Variants in SCFD2 observed in about 807,000 individuals in gnomAD.
SCFD2 encodes sec1 family domain containing 2.
Under a neutral mutation model 58.9 loss-of-function variants are expected in SCFD2, and 54 were observed. The observed-to-expected ratio is 0.92, with a 90% CI of 0.74 to 1.15. The LOEUF (loss-of-function observed/expected upper bound fraction) is 1.15, where lower values mean the gene tolerates loss of function less well. Ranked by LOEUF, SCFD2 falls within the 50% of genes most tolerant of loss-of-function variation. The pLI is 0.00. For missense variants in SCFD2, 805 were observed against 836.6 expected (o/e 0.96, Z 0.47); for synonymous variants, 321 against 335.9 (o/e 0.96, Z 0.49).
intron 5 of SCFD2, among the ~76,000 whole-genome samples, chr4:53,048,546 G>A (rs1184742345): frequency 1.3e-5 from 2 of 152,094 alleles, no homozygotes; most frequent in African/African-American, 4.8e-5. Flanking sequence ...GAACAGCCTA[G>A]GAAACATAGG....
intron 4 of SCFD2, 75 bp from the exon 5 acceptor site, chr4:53,145,657 A>G: frequency 7.4e-7 from 1 of 1,343,858 alleles, no homozygotes; most frequent in Non-Finnish European, 1.0e-6. Flanking sequence ...TAGTCGAATG[A>G]TAGCTTTCAA....
At position 53,248,224 on chromosome 4, in the gene SCFD2, G is replaced by C. The variant is rs576348515; in HGVS notation, c.1311+25602C>G. 2.0e-5 allele frequency among the ~76,000 whole-genome samples: 3 copies of C among 152,342 alleles called. No homozygotes were observed. The East Asian group carries it at 5.8e-4, about 29-fold the overall frequency. ...TACTGCGCTTTTCTGACGGGCTTAGGAAACGGCGCACCAGGAAATTATATC... is the reference window on the plus strand; with the variant it reads ...TACTGCGCTTTTCTGACGGGCTTAGCAAACGGCGCACCAGGAAATTATATC... On this transcript the variant is annotated intron_variant, in intron 4 of 8. Coordinates refer to ENST00000401642, the MANE Select transcript of SCFD2 (RefSeq NM_152540.4).
chr4:52,950,542 A>G (rs988284370), intron 5 of SCFD2: 1 of 152,218 alleles, frequency 6.6e-6, no homozygotes, highest in Non-Finnish European at 1.5e-5. Flanking sequence ...AAAGCAAAAT[A>G]CCTAGAGCAG....
At chr4:53,018,778 A>T (rs1221147900) in intron 5 of SCFD2, among the ~76,000 whole-genome samples, 4 of 152,182 alleles carry the variant, frequency 2.6e-5, no homozygotes, top group Non-Finnish European at 5.9e-5. Flanking sequence ...CTCATTAAGA[A>T]CAAGACAGTG....
chr4:53,041,356 G>A (rs549724914), intron 5 of SCFD2, among the ~76,000 whole-genome samples: 1 of 152,268 alleles, frequency 6.6e-6, no homozygotes, highest in African/African-American at 2.4e-5. Flanking sequence ...ACTTAACAGA[G>A]ATTTACAATC....
chr4:52,970,096 C>A (rs1269620343), intron 5 of SCFD2, among the ~76,000 whole-genome samples: 1 of 152,210 alleles, frequency 6.6e-6, no homozygotes, highest in Admixed American at 6.5e-5. Context: ...GTGAGCGACA[C>A]AGAAGACAGG....
intron 2 of SCFD2, among the ~76,000 whole-genome samples, chr4:53,318,088 G>T (rs1401394875): frequency 6.6e-6 from 1 of 152,122 alleles, no homozygotes. Context: ...GTCAACAATA[G>T]ATAATGTAGA....
intron 4 of SCFD2, among the ~76,000 whole-genome samples, chr4:53,164,252 C>T (rs1214832071): frequency 3.9e-5 from 6 of 152,124 alleles, no homozygotes; most frequent in Non-Finnish European, 7.4e-5. Context: ...ATTCACCTGC[C>T]CACTGCCCCC....
intron 4 of SCFD2, among the ~76,000 whole-genome samples, chr4:53,221,986 A>G (rs1729060021): frequency 6.6e-6 from 1 of 152,172 alleles, no homozygotes; most frequent in African/African-American, 2.4e-5. Context: ...TGTACCTGAC[A>G]TTACTTTGAA....
intron 5 of SCFD2, among the ~76,000 whole-genome samples, chr4:53,113,107 C>G (rs1338874630): frequency 6.6e-6 from 1 of 152,112 alleles, no homozygotes; most frequent in Non-Finnish European, 1.5e-5. Context: ...ACTCCCCAAC[C>G]CAATCCCTTT....
chr4:53,211,985 G>A (rs774066448), intron 4 of SCFD2, among the ~76,000 whole-genome samples: 5 of 151,996 alleles, frequency 3.3e-5, no homozygotes, highest in Admixed American at 6.6e-5. Context: ...TTGAATTTTA[G>A]GCTTAACAAG....
chr4:53,365,020 A>G lies in SCFD2; in HGVS notation c.838+84T>C. ...TATCCTCAATCTAATATATAATAAA[A>G]GGTCAATAAAATATATGCTGAATCA... is the stretch of plus-strand genomic sequence containing the variant. On this transcript the variant is annotated intron_variant, in intron 1 of 8. Transcript: ENST00000401642. This position sits in a 1 kb window ranked among gnomAD's most constrained non-coding sequence, Gnocchi z 4.3. 6.9e-7 allele frequency: 1 copy of G among 1,455,244 alleles called. No individual in the cohort carries two copies. Among genetic ancestry groups the G allele is most frequent in the East Asian group, 2.3e-5 (1 of 43,992 alleles). 90.1% of individuals were successfully genotyped at this position (1,455,244 alleles called of 1,614,324 possible).
intron 7 of SCFD2, among the ~76,000 whole-genome samples, chr4:52,890,194 A>G (rs972239245): frequency 1.3e-5 from 2 of 152,200 alleles, no homozygotes; most frequent in Non-Finnish European, 2.9e-5. Flanking sequence ...ACGTGGTGCA[A>G]TATGTTCCCA....
intron 4 of SCFD2, among the ~76,000 whole-genome samples, chr4:53,228,805 C>T (rs1320878056): frequency 1.3e-5 from 2 of 152,100 alleles, no homozygotes; most frequent in Non-Finnish European, 1.5e-5. Flanking sequence ...AAAGGGCATT[C>T]AATTAGGAAA....
intron 3 of SCFD2, among the ~76,000 whole-genome samples, chr4:53,287,026 C>T (rs1731688899): frequency 6.6e-6 from 1 of 152,118 alleles, no homozygotes; most frequent in Non-Finnish European, 1.5e-5. Context: ...CGTTCTAGAA[C>T]ACCCCTTCTC....
At chr4:53,247,457 T>C (rs1730126472) in intron 4 of SCFD2, among the ~76,000 whole-genome samples, 1 of 152,230 alleles carries the variant, frequency 6.6e-6, no homozygotes, top group South Asian at 2.1e-4. Flanking sequence ...CATTGCACTA[T>C]TATTCACAAT....
At chr4:53,146,315 C>A (rs896103516) in intron 4 of SCFD2, among the ~76,000 whole-genome samples, 1 of 152,062 alleles carries the variant, frequency 6.6e-6, no homozygotes, top group African/African-American at 2.4e-5. Flanking sequence ...AGAAACTGTA[C>A]CTATTTCTAT....
At chr4:53,268,943 G>A (rs1437511664) in intron 4 of SCFD2, among the ~76,000 whole-genome samples, 11 of 152,212 alleles carry the variant, frequency 7.2e-5, no homozygotes, top group Non-Finnish European at 8.8e-5. Context: ...GATAATGGGA[G>A]ACAAGTTCCT....
At chr4:53,256,824 A>G (rs1730653722) in intron 4 of SCFD2, among the ~76,000 whole-genome samples, 1 of 148,014 alleles carries the variant, frequency 6.8e-6, no homozygotes, top group Non-Finnish European at 1.5e-5. Flanking sequence ...AGTACAGTCC[A>G]GCTTCGGCTA....
Sources: allele counts gnomAD v4.1 joint callset (sites outside exome capture counted in the v4.1 genomes callset), GRCh38; gene constraint gnomAD v4.1.1; non-coding constraint Gnocchi (gnomAD v3.1); transcripts MANE v1.5; gene names NCBI Gene and HGNC (gene_info 2026-07-23, HGNC 2026-07-21).